NALF1: variants seen among roughly 807,000 people sequenced by gnomAD.
NALF1 encodes NALCN channel auxiliary factor 1, also known as family with sequence similarity 155 member A.
A neutral mutation model predicts 48.4 loss-of-function variants in NALF1; 3 were observed. The ratio of observed to expected loss-of-function variants is 0.06; its 90% confidence interval spans 0.03 to 0.16. The LOEUF (loss-of-function observed/expected upper bound fraction) is 0.16. Among genes scored for constraint, NALF1 ranks in the 10% least tolerant of loss-of-function variants. NALF1 has a pLI of 1.00. For synonymous variants in NALF1, 262 were observed against 245.7 expected, an observed-to-expected ratio of 1.07 and a Z score of -0.62; for missense variants, 526 against 571.5, an observed-to-expected ratio of 0.92 and a Z score of 0.81.
chr13:107,861,499 T>C (rs916655834), intron 1 of NALF1, among the ~76,000 whole-genome samples: 1 of 152,190 alleles, frequency 6.6e-6, no homozygotes, highest in African/African-American at 2.4e-5. Flanking sequence ...AAAAACTATT[T>C]CTTGGCCAGG....
chr13:107,747,536 T>C (rs1876815351), intron 1 of NALF1, among the ~76,000 whole-genome samples: 1 of 152,196 alleles, frequency 6.6e-6, no homozygotes, highest in African/African-American at 2.4e-5. Context: ...CAACTCATAC[T>C]TTTGCATAAT....
At chr13:107,348,692 A>G (rs993877106) in intron 1 of NALF1, among the ~76,000 whole-genome samples, 12 of 152,148 alleles carry the variant, frequency 7.9e-5, no homozygotes, top group African/African-American at 2.9e-4. Context: ...GAACATCTTA[A>G]CCATTAACAG....
chr13:107,498,479 T>A (rs957901218), intron 1 of NALF1, among the ~76,000 whole-genome samples: 1 of 152,094 alleles, frequency 6.6e-6, no homozygotes, highest in Non-Finnish European at 1.5e-5. Flanking sequence ...TCATGTGATT[T>A]TGGAGGTTAA....
chr13:107,503,966 A>C (rs1225018715), intron 1 of NALF1, among the ~76,000 whole-genome samples: 1 of 151,766 alleles, frequency 6.6e-6, no homozygotes, highest in Non-Finnish European at 1.5e-5. Flanking sequence ...AGAGATCAAG[A>C]ATCAAGGAAG....
chr13:107,583,758 T>A (rs1878376735), intron 1 of NALF1, among the ~76,000 whole-genome samples: 1 of 152,090 alleles, frequency 6.6e-6, no homozygotes, highest in African/African-American at 2.4e-5. Flanking sequence ...GTTTATAAGT[T>A]TGAAAGGGGT....
intron 1 of NALF1, among the ~76,000 whole-genome samples, chr13:107,763,463 T>C (rs925869439): frequency 1.4e-5 from 2 of 143,172 alleles, no homozygotes; most frequent in Non-Finnish European, 3.0e-5. Flanking sequence ...GTGTTTCATA[T>C]TAAAATTCAA....
chr13:107,837,341 T>G (rs1879923768), intron 1 of NALF1, among the ~76,000 whole-genome samples: 1 of 152,230 alleles, frequency 6.6e-6, no homozygotes, highest in South Asian at 2.1e-4. Context: ...CAGATGTTAT[T>G]ATGCTTGGGC....
intron 1 of NALF1, chr13:107,466,464 G>A (rs960320553): frequency 6.6e-6 from 1 of 152,322 alleles, no homozygotes; most frequent in Non-Finnish European, 1.5e-5. Flanking sequence ...TGGAAATCAG[G>A]GTTGCAGGAC....
intron 2 of NALF1, among the ~76,000 whole-genome samples, chr13:107,194,188 C>A (rs1468805789): frequency 6.6e-6 from 1 of 152,098 alleles, no homozygotes; most frequent in Non-Finnish European, 1.5e-5. Flanking sequence ...TTGCAAGAGT[C>A]CTGACCCACA....
At chr13:107,484,464 A>G (rs1350600937) in intron 1 of NALF1, among the ~76,000 whole-genome samples, 5 of 152,154 alleles carry the variant, frequency 3.3e-5, no homozygotes. Context: ...GGGGAAGAAT[A>G]TATGCTCTGA....
chr13:107,728,695 AAAAT>A (rs34497886), intron 1 of NALF1, among the ~76,000 whole-genome samples: 161 of 148,390 alleles, frequency 1.1e-3, no homozygotes, highest in African/African-American at 2.1e-3. Context: ...AACTTAAAGT[AAAAT>A]AAATAAATAA....
chr13:107,660,396 T>C (rs1880696413), intron 1 of NALF1, among the ~76,000 whole-genome samples: 1 of 147,176 alleles, frequency 6.8e-6, no homozygotes, highest in Non-Finnish European at 1.5e-5. Flanking sequence ...ATTGCACCAC[T>C]GCACTCCAGC....
At chr13:107,567,399 T>C (rs1877846614) in intron 1 of NALF1, among the ~76,000 whole-genome samples, 1 of 152,248 alleles carries the variant, frequency 6.6e-6, no homozygotes, top group Non-Finnish European at 1.5e-5. Flanking sequence ...AGTCAGAAAT[T>C]AATTAGACAT....
In NALF1 at chr13:107,863,294, T is replaced by C. The variant is rs961134717; in HGVS notation, c.915+2388A>G. ...ATTTTAAGTAATGTGGCATAGTTTA[T>C]ATGTGAATGTGTTTGTGGCTTTTTC... On this transcript the variant is annotated intron_variant, in intron 1 of 2. Transcript: ENST00000375915. Among the ~76,000 whole-genome samples, 11 of 152,260 alleles carry C rather than the reference T, an allele frequency of 7.2e-5. No homozygotes were observed. In the East Asian group the frequency reaches 1.9e-3, roughly 27 times the overall value.
At chr13:107,430,985 C>G (rs1010990378) in intron 1 of NALF1, among the ~76,000 whole-genome samples, 11 of 152,216 alleles carry the variant, frequency 7.2e-5, no homozygotes, top group African/African-American at 7.2e-5. Context: ...TTTTAATGAT[C>G]GCCATTCTAA....
chr13:107,706,886 T>A (rs1267934843), intron 1 of NALF1, among the ~76,000 whole-genome samples: 2 of 151,978 alleles, frequency 1.3e-5, no homozygotes. Flanking sequence ...GGGGAGAGGG[T>A]TATGTCCGCC....
intron 1 of NALF1, among the ~76,000 whole-genome samples, chr13:107,603,225 T>C (rs1878980565): frequency 6.6e-6 from 1 of 152,190 alleles, no homozygotes; most frequent in Non-Finnish European, 1.5e-5. Flanking sequence ...AATTTCTAGT[T>C]AAAACACATT....
chr13:107,706,197 G>T (rs1238880125), intron 1 of NALF1, among the ~76,000 whole-genome samples: 5 of 152,174 alleles, frequency 3.3e-5, no homozygotes, highest in African/African-American at 1.2e-4. Context: ...TCAATCTTCG[G>T]TGGCAATAAA....
intron 1 of NALF1, among the ~76,000 whole-genome samples, chr13:107,349,245 C>T (rs1180975618): frequency 6.6e-6 from 1 of 152,142 alleles, no homozygotes; most frequent in Non-Finnish European, 1.5e-5. Context: ...CACCTGGTGT[C>T]CTTTGCTGAA....
Sources: gnomAD v4.1 joint callset for allele counts (sites outside exome capture counted in the v4.1 genomes callset) on GRCh38, gnomAD v4.1.1 for gene constraint, MANE v1.5 for transcripts, NCBI Gene and HGNC (gene_info 2026-07-23, HGNC 2026-07-21) for gene names.